The following CDH4 variants were observed in gnomAD, a reference collection of about 807,000 sequenced individuals.
The protein encoded by CDH4 is cadherin-4.
In CDH4, 33 loss-of-function variants were observed where a neutral mutation model predicts 86.0. That is an observed-to-expected ratio of 0.38 (90% CI 0.29 to 0.51). The LOEUF (loss-of-function observed/expected upper bound fraction) is 0.51, where lower values mean the gene tolerates loss of function less well. Ranked by LOEUF, CDH4 falls within the 20% of genes least tolerant of loss-of-function variation. The pLI, the probability that CDH4 is intolerant of heterozygous loss-of-function variation, is 0.86. For missense variants in CDH4, 1,114 were observed against 1,307.4 expected (o/e 0.85, Z 2.28); for synonymous variants, 555 against 549.4 (o/e 1.01, Z -0.14).
At chr20:61,405,836 A>T (rs2085078581) in intron 2 of CDH4, among the ~76,000 whole-genome samples, 1 of 151,884 alleles carries the variant, frequency 6.6e-6, no homozygotes, top group African/African-American at 2.4e-5. Flanking sequence ...GCCCGCCATC[A>T]CGCCCAGCTA....
Position 61,312,112 on chromosome 20 carries a change from G to T in CDH4, c.169+57175G>T, listed in dbSNP as rs1051372224. Reference sequence around the variant, plus strand: ...TGTATGTGCATGTGTGTGATGTGTGGTGTGTGCATGTGGGTGGTGTGTGTG... The same window carrying T: ...TGTATGTGCATGTGTGTGATGTGTGTTGTGTGCATGTGGGTGGTGTGTGTG... On this transcript the variant is annotated intron_variant, in intron 2 of 15. Transcript: ENST00000614565. Among the ~76,000 whole-genome samples the T allele has an allele frequency of 3.4e-4, 11 of 32,588 alleles. No individual in the cohort carries two copies. The Admixed American group carries it at 5.6e-3, about 17-fold the overall frequency. The allele number at this position is 32,588 out of a possible 152,430, so 21.4% of individuals were successfully genotyped here.
intron 6 of CDH4, among the ~76,000 whole-genome samples, chr20:61,855,158 A>C (rs1437673470): frequency 7.3e-6 from 1 of 137,046 alleles, no homozygotes. Flanking sequence ...GCCCACCCCC[A>C]GGGCTGCAGT....
rs967274067 is a variant in CDH4 at position 61,787,132 on chromosome 20, G to GTCCA, written c.576+13965_576+13968dup. On this transcript the variant is annotated intron_variant, in intron 4 of 15. Transcript: ENST00000614565. ...CATCCATCCATCCATCCGTCTGTCC[G>GTCCA]TCCATCCATCCATCCATCTATCCCT... is the stretch of plus-strand genomic sequence containing the variant. 2.0e-5 allele frequency among the ~76,000 whole-genome samples: 3 copies of GTCCA among 151,792 alleles called. No homozygotes were observed. In the South Asian group the frequency reaches 6.3e-4, roughly 32 times the overall value.
chr20:61,454,032 G>A (rs749693608), intron 2 of CDH4, among the ~76,000 whole-genome samples: 11 of 152,214 alleles, frequency 7.2e-5, no homozygotes, highest in Non-Finnish European at 1.3e-4. Flanking sequence ...GGAACTGTGA[G>A]TCAATTAAAC....
chr20:61,568,506 GTAT>G (rs1245332649), intron 2 of CDH4, among the ~76,000 whole-genome samples: 1 of 152,206 alleles, frequency 6.6e-6, no homozygotes, highest in African/African-American at 2.4e-5. Context: ...TCTCAGGTAG[GTAT>G]TAGCAGCGTG....
chr20:61,764,070 G>A (rs1271826458), intron 3 of CDH4, among the ~76,000 whole-genome samples: 1 of 152,190 alleles, frequency 6.6e-6, no homozygotes, highest in African/African-American at 2.4e-5. Flanking sequence ...TCACCTTGCA[G>A]CCACAGCCAG....
At chr20:61,446,229 G>A (rs939356083) in intron 2 of CDH4, among the ~76,000 whole-genome samples, 1 of 152,114 alleles carries the variant, frequency 6.6e-6, no homozygotes, top group African/African-American at 2.4e-5. Context: ...ATTAGACCAA[G>A]GCCTACTGCT....
chr20:61,771,074 A>C (rs1336801594), intron 3 of CDH4, among the ~76,000 whole-genome samples: 1 of 146,544 alleles, frequency 6.8e-6, no homozygotes, highest in Non-Finnish European at 1.5e-5. Flanking sequence ...GCAATGGCAC[A>C]ATCTTGGCTC....
chr20:61,884,248 C>T (rs978709994), intron 7 of CDH4, among the ~76,000 whole-genome samples: 2 of 152,180 alleles, frequency 1.3e-5, no homozygotes, highest in African/African-American at 4.8e-5. Context: ...GGTCATAAAA[C>T]CCACAAGAGC....
At chr20:61,285,045 T>C (rs958803173) in intron 2 of CDH4, among the ~76,000 whole-genome samples, 3 of 152,112 alleles carry the variant, frequency 2.0e-5, no homozygotes, top group Admixed American at 2.0e-4. Context: ...CCCCCATTTT[T>C]GCTCTCTGCT....
At chr20:61,421,956 G>A (rs1181234812) in intron 2 of CDH4, among the ~76,000 whole-genome samples, 1 of 152,204 alleles carries the variant, frequency 6.6e-6, no homozygotes, top group Non-Finnish European at 1.5e-5. Context: ...GCCTTGAGCA[G>A]TGTGGGGCTG....
chr20:61,695,678 A>AAATGCAGGGAGG, intron 2 of CDH4, among the ~76,000 whole-genome samples: 2 of 152,202 alleles, frequency 1.3e-5, no homozygotes, highest in Non-Finnish European at 2.9e-5. Flanking sequence ...GGGAGGTCAA[A>AAATGCAGGGAGG]AATGCAGGGA....
chr20:61,502,069 A>G, intron 2 of CDH4, among the ~76,000 whole-genome samples: 1 of 146,978 alleles, frequency 6.8e-6, no homozygotes, highest in East Asian at 2.1e-4. Context: ...AACTTGTGCA[A>G]ATGAAGAAGT....
chr20:61,691,428 CGTGTGCATGTGTGTCTGTGTGTATGT>C (rs991805397), intron 2 of CDH4, among the ~76,000 whole-genome samples: 7 of 150,162 alleles, frequency 4.7e-5, no homozygotes, highest in African/African-American at 1.7e-4. Context: ...TGTGTGTGTG[CGTGTGCATGTGTGTCTGTGTGTATGT>C]GTGTGCATGT....
At chr20:61,402,140 A>G (rs562585211) in intron 2 of CDH4, among the ~76,000 whole-genome samples, 20 of 152,302 alleles carry the variant, frequency 1.3e-4, no homozygotes, top group African/African-American at 4.8e-4. Flanking sequence ...ATATACAGCC[A>G]TCTCTCAGTA....
At chr20:61,266,113 G>T (rs2084156854) in intron 2 of CDH4, among the ~76,000 whole-genome samples, 1 of 152,172 alleles carries the variant, frequency 6.6e-6, no homozygotes, top group Non-Finnish European at 1.5e-5. Context: ...TATCCACAGG[G>T]CCCCAGAGTG....
At chr20:61,659,979 C>G (rs1266471688) in intron 2 of CDH4, among the ~76,000 whole-genome samples, 2 of 152,220 alleles carry the variant, frequency 1.3e-5, no homozygotes, top group African/African-American at 4.8e-5. Context: ...ATTCCATGCA[C>G]AGTGGTGGAA....
chr20:61,806,553 GCA>G (rs199578763), intron 4 of CDH4, among the ~76,000 whole-genome samples: 1 of 129,700 alleles, frequency 7.7e-6, no homozygotes, highest in East Asian at 2.4e-4. Flanking sequence ...CCACGCGCAC[GCA>G]CACACATGTC....
Position 61,879,661 on chromosome 20 carries a change from T to A in CDH4, c.1050+5761T>A, listed in dbSNP as rs1355653643. Among the ~76,000 whole-genome samples, 1 of 152,212 alleles carries A rather than the reference T, an allele frequency of 6.6e-6. No individual in the cohort carries two copies. Among genetic ancestry groups the A allele is most frequent in the Non-Finnish European group, 1.5e-5 (1 of 68,046 alleles). On this transcript the variant is annotated intron_variant, in intron 7 of 15. Transcript: ENST00000614565. The surrounding 1 kb of genome is among the most constrained non-coding windows in gnomAD (Gnocchi z 4.1). The stretch of plus-strand genomic sequence containing the variant: ...GCCCCACTTGCTAATCCTATTCATC[T>A]GGCGTTGTTTCCTAATTAGAATATT...
Sources: gnomAD v4.1 joint callset for allele counts (sites outside exome capture counted in the v4.1 genomes callset) on GRCh38, gnomAD v4.1.1 for gene constraint, Gnocchi (gnomAD v3.1) non-coding constraint, MANE v1.5 for transcripts, NCBI Gene and HGNC (gene_info 2026-07-23, HGNC 2026-07-21) for gene names.